The following PTER variants were observed in gnomAD, a reference collection of about 807,000 sequenced individuals.
PTER encodes the protein phosphotriesterase related, also known as N-acetyltaurine hydrolase.
In PTER, 38 loss-of-function variants were observed where a neutral mutation model predicts 29.6. That is an observed-to-expected ratio of 1.28 (90% CI 0.99 to 1.68). The LOEUF (loss-of-function observed/expected upper bound fraction) is 1.68. PTER is among the 40% of genes most tolerant of loss of function. The probability of loss-of-function intolerance (pLI) is 0.00; values close to 1 mark genes in which losing one functional copy is unlikely to be tolerated. For missense variants in PTER, 482 were observed against 427.8 expected, an observed-to-expected ratio of 1.13 and a Z score of -1.12; for synonymous variants, 172 against 154.5, an observed-to-expected ratio of 1.11 and a Z score of -0.84.
rs1462507330 is a variant in PTER at position 16,486,397 on chromosome 10, A to G, written c.478A>G (p.Thr160Ala). The stretch of plus-strand genomic sequence containing the variant: ...TGAAATTCTCCATGGAGCTGATGGA[A>G]CCAGTATCAAGTGTGGCATTATTGG... Reference protein sequence around the residue: ...MNEILHGADGTSIKCGIIGEI... With the variant: ...MNEILHGADGASIKCGIIGEI... Residue 160 changes from threonine (T) to alanine (A), a missense_variant, in exon 3 of 5, where the codon ACC becomes GCC. By Grantham distance (58) the Thr-to-Ala change is moderately conservative. Transcript: ENST00000535784. 6.2e-7 allele frequency: 1 copy of G among 1,613,818 alleles called. No homozygotes were observed. The highest frequency in any genetic ancestry group is 1.3e-5 in the African/African-American group (1 of 74,898).
At chr10:16,517,058 C>T (rs1180919288), downstream of PTER, among the ~76,000 whole-genome samples, 1 of 152,176 alleles carries the variant, frequency 6.6e-6, no homozygotes, top group Non-Finnish European at 1.5e-5. Flanking sequence ...ACAATTCTTT[C>T]AAGCCATCAA....
At chr10:16,493,971 C>T (rs1425760683) in intron 3 of PTER, among the ~76,000 whole-genome samples, 2 of 152,164 alleles carry the variant, frequency 1.3e-5, no homozygotes, top group African/African-American at 4.8e-5. Context: ...TTCTACCCAC[C>T]AAAGCCTTCC....
At chr10:16,473,519 GAAAAAAAAAAAAAAA>G (rs72001271) in intron 1 of PTER, among the ~76,000 whole-genome samples, 13 of 28,168 alleles carry the variant, frequency 4.6e-4, no homozygotes, top group South Asian at 2.9e-3. Flanking sequence ...GACTCCATCC[GAAAAAAAAAAAAAAA>G]AAAAAAAAAA....
At chr10:16,449,993 A>G (rs934855759) in intron 1 of PTER, among the ~76,000 whole-genome samples, 5 of 152,202 alleles carry the variant, frequency 3.3e-5, no homozygotes, top group Non-Finnish European at 5.9e-5. Context: ...TAAATGCAGA[A>G]TCCCTGCTTA....
chr10:16,473,023 A>G (rs1249524395), intron 1 of PTER, among the ~76,000 whole-genome samples: 2 of 151,856 alleles, frequency 1.3e-5, no homozygotes, highest in African/African-American at 4.8e-5. Flanking sequence ...TTCAACCAAA[A>G]AAAAAAAAAG....
intron 1 of PTER, among the ~76,000 whole-genome samples, chr10:16,457,814 T>G (rs551074745): frequency 1.2e-4 from 18 of 152,090 alleles, no homozygotes; most frequent in African/African-American, 4.3e-4. Context: ...TTCACCATGT[T>G]GGCCGCGCTA....
chr10:16,449,089 C>T (rs994949396), intron 1 of PTER, among the ~76,000 whole-genome samples: 3 of 152,110 alleles, frequency 2.0e-5, no homozygotes, highest in African/African-American at 4.8e-5. Context: ...ACCACCCCTG[C>T]GTCTTTCACG....
At chr10:16,474,431 T>C (rs555377254) in intron 1 of PTER, among the ~76,000 whole-genome samples, 31 of 152,330 alleles carry the variant, frequency 2.0e-4, no homozygotes, top group East Asian at 5.8e-4. Flanking sequence ...TTTATAATGA[T>C]GACTTATTTT....
intron 1 of PTER, among the ~76,000 whole-genome samples, chr10:16,464,248 G>T (rs991876058): frequency 3.3e-5 from 5 of 152,146 alleles, no homozygotes; most frequent in African/African-American, 1.2e-4. Flanking sequence ...GGTCATCATT[G>T]TGGCCTTGAG....
chr10:16,445,218 C>T (rs1244972725), intron 1 of PTER, among the ~76,000 whole-genome samples: 2 of 152,140 alleles, frequency 1.3e-5, no homozygotes, highest in African/African-American at 2.4e-5. Flanking sequence ...AATATTAAGT[C>T]GAGTATGGTT....
downstream of PTER, chr10:16,514,635 A>G (rs1278268969): frequency 4.3e-6 from 7 of 1,613,924 alleles, no homozygotes; most frequent in East Asian, 6.7e-5. Flanking sequence ...CCCGGCTCCA[A>G]ATGAAGAACC....
chr10:16,492,971 T>C (rs1234717906), intron 3 of PTER, among the ~76,000 whole-genome samples: 1 of 152,216 alleles, frequency 6.6e-6, no homozygotes, highest in Admixed American at 6.5e-5. Context: ...ATAATTTTGA[T>C]ATGTTTTTCA....
intron 1 of PTER, among the ~76,000 whole-genome samples, chr10:16,446,506 A>G (rs11253997): frequency 0.63 from 95,595 of 151,970 alleles, 31,321 homozygotes; most frequent in East Asian, 0.8. Flanking sequence ...TAGTGTAGTT[A>G]GATAGAGAGA....
intron 3 of PTER, among the ~76,000 whole-genome samples, chr10:16,493,090 G>T (rs912245486): frequency 1.8e-4 from 27 of 152,176 alleles, no homozygotes; most frequent in African/African-American, 6.0e-4. Flanking sequence ...GTAGCCTGAA[G>T]AACAACCCAC....
At chr10:16,482,179 A>G (rs540286745) in intron 1 of PTER, among the ~76,000 whole-genome samples, 1 of 152,212 alleles carries the variant, frequency 6.6e-6, no homozygotes, top group African/African-American at 2.4e-5. Flanking sequence ...TAAATCCATC[A>G]TTTATGCCTT....
At chr10:16,498,761 T>G (rs1156378976) in intron 3 of PTER, among the ~76,000 whole-genome samples, 1 of 152,176 alleles carries the variant, frequency 6.6e-6, no homozygotes, top group Non-Finnish European at 1.5e-5. Context: ...AGAGTTCATT[T>G]TCCCATGGTA....
chr10:16,463,334 T>C (rs1475317583), intron 1 of PTER, among the ~76,000 whole-genome samples: 1 of 152,058 alleles, frequency 6.6e-6, no homozygotes, highest in Non-Finnish European at 1.5e-5. Context: ...TCATGATAAA[T>C]GTTAATTGGG....
intron 2 of PTER, among the ~76,000 whole-genome samples, chr10:16,485,763 C>G (rs1835670699): frequency 6.6e-6 from 1 of 152,020 alleles, no homozygotes; most frequent in Non-Finnish European, 1.5e-5. Flanking sequence ...TCTATGCTGT[C>G]TATGATAAAA....
intron 4 of PTER, among the ~76,000 whole-genome samples, chr10:16,510,526 C>G (rs1836771339): frequency 6.6e-6 from 1 of 152,314 alleles, no homozygotes; most frequent in Admixed American, 6.5e-5. Flanking sequence ...CCCTCACTTG[C>G]AGACCAACTG....
Sources: allele counts gnomAD v4.1 joint callset (sites outside exome capture counted in the v4.1 genomes callset), GRCh38; gene constraint gnomAD v4.1.1; transcripts MANE v1.5; gene names NCBI Gene and HGNC (gene_info 2026-07-23, HGNC 2026-07-21).